MTA3: variants seen among roughly 807,000 people sequenced by gnomAD.
The protein encoded by MTA3 is metastasis associated 1 family member 3, also known as metastasis-associated protein MTA3.
A neutral mutation model predicts 83.5 loss-of-function variants in MTA3; 34 were observed. The ratio of observed to expected loss-of-function variants is 0.41; its 90% confidence interval spans 0.31 to 0.54. The LOEUF (loss-of-function observed/expected upper bound fraction) is 0.54, where lower values mean the gene tolerates loss of function less well. MTA3 is among the 20% of genes least tolerant of loss of function. The pLI, the probability that MTA3 is intolerant of heterozygous loss-of-function variation, is 0.33. For synonymous variants in MTA3, 303 were observed against 252.7 expected, an observed-to-expected ratio of 1.20 and a Z score of -1.89; for missense variants, 761 against 726.4, an observed-to-expected ratio of 1.05 and a Z score of -0.55.
chr2:42,710,547 C>T (rs1453928154), intron 14 of MTA3, among the ~76,000 whole-genome samples: 2 of 83,358 alleles, frequency 2.4e-5, no homozygotes, highest in African/African-American at 4.7e-5. Context: ...GAAACTTCAT[C>T]TCAAAAAAAA....
At chr2:42,513,936 AG>A (rs1193011368) in intron 2 of MTA3, among the ~76,000 whole-genome samples, 1 of 152,216 alleles carries the variant, frequency 6.6e-6, no homozygotes, top group Non-Finnish European at 1.5e-5. Flanking sequence ...AGTCTAGGCC[AG>A]GCACGGTGGC....
At chr2:42,671,698 A>C (rs1690808149) in intron 8 of MTA3, among the ~76,000 whole-genome samples, 2 of 152,184 alleles carry the variant, frequency 1.3e-5, no homozygotes, top group Admixed American at 1.3e-4. Flanking sequence ...CTTGTGAGTT[A>C]ATTTAGAAGG....
At chr2:42,553,511 A>G (rs1435479209) in intron 2 of MTA3, among the ~76,000 whole-genome samples, 3 of 150,286 alleles carry the variant, frequency 2.0e-5, no homozygotes, top group East Asian at 2.0e-4. Context: ...CGAGGCGGGC[A>G]TATCACCTGA....
At chr2:42,602,252 C>T (rs1013972199) in intron 3 of MTA3, among the ~76,000 whole-genome samples, 1 of 152,228 alleles carries the variant, frequency 6.6e-6, no homozygotes, top group Non-Finnish European at 1.5e-5. Context: ...GCTGGGATTA[C>T]AGGCGTGAGC....
intron 16 of MTA3, among the ~76,000 whole-genome samples, chr2:42,739,196 A>G (rs1324368514): frequency 6.6e-6 from 1 of 152,096 alleles, no homozygotes; most frequent in Non-Finnish European, 1.5e-5. Flanking sequence ...TGTCTCCCCC[A>G]GATGCCCAGC....
At chr2:42,515,079 C>T (rs1401259523) in intron 2 of MTA3, among the ~76,000 whole-genome samples, 2 of 151,822 alleles carry the variant, frequency 1.3e-5, no homozygotes, top group African/African-American at 4.8e-5. Context: ...TTTTTTGAGA[C>T]AGAGTCTCGC....
At chr2:42,582,066 C>CT (rs1028028657) in intron 3 of MTA3, among the ~76,000 whole-genome samples, 15 of 149,210 alleles carry the variant, frequency 1.0e-4, no homozygotes, top group South Asian at 8.6e-4. Flanking sequence ...GATATTTTAT[C>CT]TTTTTTTTTG....
At chr2:42,629,171 C>G (rs909328092) in intron 4 of MTA3, among the ~76,000 whole-genome samples, 6 of 152,056 alleles carry the variant, frequency 3.9e-5, no homozygotes, top group African/African-American at 1.4e-4. Flanking sequence ...TCTCTGTCTC[C>G]CAGGTTCAAG....
At chr2:42,620,995 A>T (rs1341098080) in intron 4 of MTA3, among the ~76,000 whole-genome samples, 1 of 152,192 alleles carries the variant, frequency 6.6e-6, no homozygotes, top group Non-Finnish European at 1.5e-5. Context: ...GCCATTCACA[A>T]TGTAGACATA....
At chr2:42,690,667 AT>A (rs1274019513) in intron 9 of MTA3, among the ~76,000 whole-genome samples, 1 of 134,898 alleles carries the variant, frequency 7.4e-6, no homozygotes, top group Non-Finnish European at 1.5e-5. Flanking sequence ...GGTACATGAA[AT>A]TTTTTAATTT....
intron 8 of MTA3, among the ~76,000 whole-genome samples, chr2:42,667,824 T>C (rs892194513): frequency 8.5e-5 from 13 of 152,250 alleles, no homozygotes; most frequent in African/African-American, 1.7e-4. Context: ...TAAGTAATAA[T>C]ACATTGTGTG....
rs1029973578 is a variant in MTA3, at chr2:42,718,962, A to G, written c.1526-26A>G. On this transcript the variant is annotated intron_variant, in intron 14 of 16. Coordinates refer to ENST00000405094, the MANE Select transcript of MTA3 (RefSeq NM_001330442.2). ...GCTAGAGAAATCCATTTCATTGGTT[A>G]TCTCCATGTTTCTTTCTCTCCTCAG... 8 of 1,500,762 alleles carry G rather than the reference A, an allele frequency of 5.3e-6. No individual in the cohort carries two copies. In the Admixed American group the frequency reaches 1.4e-4, roughly 26 times the overall value. The allele number at this position is 1,500,762 out of a possible 1,614,324, so 93.0% of individuals were successfully genotyped here. A position where few individuals can be genotyped will look rare whatever the true frequency, so the allele number is the denominator to read the frequency against.
intron 8 of MTA3, among the ~76,000 whole-genome samples, chr2:42,669,389 A>G (rs368668874): frequency 4.6e-5 from 7 of 152,216 alleles, no homozygotes; most frequent in African/African-American, 1.7e-4. Context: ...CTGGCCAGAA[A>G]ATATTAATCT....
intron 11 of MTA3, among the ~76,000 whole-genome samples, chr2:42,700,842 T>A (rs1203953012): frequency 6.6e-6 from 1 of 152,234 alleles, no homozygotes; most frequent in Non-Finnish European, 1.5e-5. Context: ...GGCTCATGCC[T>A]GTAATCCCAG....
chr2:42,592,671 G>A (rs1399245488), intron 3 of MTA3, among the ~76,000 whole-genome samples: 1 of 152,126 alleles, frequency 6.6e-6, no homozygotes, highest in Non-Finnish European at 1.5e-5. Context: ...ACAGGGTCAG[G>A]ATCATCAATA....
chr2:42,652,436 C>G (rs1400292626), intron 6 of MTA3, among the ~76,000 whole-genome samples: 1 of 152,098 alleles, frequency 6.6e-6, no homozygotes, highest in Non-Finnish European at 1.5e-5. Context: ...GTTTATTGAT[C>G]TCAGAATAGC....
At chr2:42,521,061 C>A (rs1675406839) in intron 2 of MTA3, among the ~76,000 whole-genome samples, 1 of 152,200 alleles carries the variant, frequency 6.6e-6, no homozygotes, top group African/African-American at 2.4e-5. Flanking sequence ...TGTGTAATCA[C>A]CTCCCCTTGA....
At chr2:42,584,224 GT>G (rs1444842786) in intron 3 of MTA3, among the ~76,000 whole-genome samples, 1 of 151,686 alleles carries the variant, frequency 6.6e-6, no homozygotes, top group Non-Finnish European at 1.5e-5. Context: ...TATGCCTGGT[GT>G]TTCCATCACT....
intron 16 of MTA3, among the ~76,000 whole-genome samples, chr2:42,744,558 G>A (rs912767686): frequency 6.6e-5 from 10 of 152,128 alleles, no homozygotes; most frequent in Non-Finnish European, 1.3e-4. Flanking sequence ...CATTCTCAGT[G>A]ACCCATAGAA....
Sources: gnomAD v4.1 joint callset for allele counts (sites outside exome capture counted in the v4.1 genomes callset) on GRCh38, gnomAD v4.1.1 for gene constraint, MANE v1.5 for transcripts, NCBI Gene and HGNC (gene_info 2026-07-23, HGNC 2026-07-21) for gene names.